Variants in NXPE2 observed in about 807,000 individuals in gnomAD.
NXPE2 encodes NXPE family member 2.
In NXPE2, 34 loss-of-function variants were observed where a neutral mutation model predicts 34.4. That is an observed-to-expected ratio of 0.99 (90% CI 0.75 to 1.31). NXPE2 has a LOEUF of 1.31. NXPE2 is among the 40% of genes most tolerant of loss of function. NXPE2 has a pLI of 0.00. For synonymous variants in NXPE2, 235 were observed against 231.3 expected (o/e 1.02, Z -0.15); for missense variants, 649 against 672.5 (o/e 0.97, Z 0.39).
Position 114,704,017 on chromosome 11 carries a change from A to C in NXPE2, c.893A>C (p.Lys298Thr), listed in dbSNP as rs1283933972. ...HRSNIGVEMM[K>T]NFTPIEVIPC... Reference sequence around the variant, plus strand: ...TCCAACATAGGAGTTGAAATGATGAAGAACTTTACCCCCATTGAGGTCATA... The same window carrying C: ...TCCAACATAGGAGTTGAAATGATGACGAACTTTACCCCCATTGAGGTCATA... The change falls in exon 4 of 6, where the codon AAG (lysine) becomes ACG (threonine). Residue 298 changes from lysine to threonine, a missense_variant. Lys to Thr is a moderately conservative substitution (Grantham distance 78, BLOSUM62 -1). Coordinates refer to ENST00000389586, the MANE Select transcript of NXPE2 (RefSeq NM_182495.6). The C allele has an allele frequency of 6.4e-7, 1 of 1,551,880 alleles. No homozygotes were observed. Among genetic ancestry groups the C allele is most frequent in the African/African-American group, 1.4e-5 (1 of 73,044 alleles).
chr11:114,759,199 G>A, the NXPE2 span, among the ~76,000 whole-genome samples: 1 of 152,094 alleles, frequency 6.6e-6, no homozygotes, highest in African/African-American at 2.4e-5. Context: ...AGAAGTCTTG[G>A]GCTGTTGCCA....
At chr11:114,535,099 G>T in the NXPE2 span, among the ~76,000 whole-genome samples, 1 of 152,308 alleles carries the variant, frequency 6.6e-6, no homozygotes, top group East Asian at 1.9e-4. Context: ...GAAACTCTAC[G>T]AGCCAGAAGA....
the NXPE2 span, among the ~76,000 whole-genome samples, chr11:114,507,515 ACAG>A: frequency 3.3e-5 from 5 of 152,132 alleles, no homozygotes; most frequent in Non-Finnish European, 5.9e-5. Flanking sequence ...CAAATCAAAT[ACAG>A]CAGCACATCA....
the NXPE2 span, among the ~76,000 whole-genome samples, chr11:114,628,738 T>C: frequency 1.3e-5 from 2 of 150,882 alleles, no homozygotes; most frequent in Admixed American, 1.3e-4. Context: ...CAGGAGCTGG[T>C]TTTTTGAAAG....
At chr11:114,759,670 A>C in the NXPE2 span, among the ~76,000 whole-genome samples, 1 of 152,338 alleles carries the variant, frequency 6.6e-6, no homozygotes, top group South Asian at 2.1e-4. Flanking sequence ...TCATAGAGTA[A>C]ACTGTATTAC....
At chr11:114,582,412 T>C in the NXPE2 span, 1 of 1,614,090 alleles carries the variant, frequency 6.2e-7, no homozygotes, top group East Asian at 2.2e-5. Flanking sequence ...TCTTGGTCTC[T>C]GTTGTCCAGG....
At chr11:114,765,078 C>T in the NXPE2 span, among the ~76,000 whole-genome samples, 2 of 152,158 alleles carry the variant, frequency 1.3e-5, no homozygotes, top group Non-Finnish European at 2.9e-5. Context: ...TCCATGTGTT[C>T]CAATCTCTGT....
the NXPE2 span, among the ~76,000 whole-genome samples, chr11:114,730,668 G>T: frequency 6.6e-6 from 1 of 152,030 alleles, no homozygotes; most frequent in African/African-American, 2.4e-5. Flanking sequence ...ACTATAAATA[G>T]AATTGCATTC....
chr11:114,604,969 G>A, the NXPE2 span, among the ~76,000 whole-genome samples: 1 of 151,830 alleles, frequency 6.6e-6, no homozygotes, highest in East Asian at 1.9e-4. Context: ...TTGCCTCTAG[G>A]GTAACCACTG....
chr11:114,503,347 C>G, the NXPE2 span, among the ~76,000 whole-genome samples: 3 of 151,930 alleles, frequency 2.0e-5, no homozygotes, highest in Admixed American at 6.6e-5. Context: ...AATAGTCACA[C>G]AGATAAAAGG....
the NXPE2 span, among the ~76,000 whole-genome samples, chr11:114,616,546 T>G: frequency 6.6e-6 from 1 of 151,614 alleles, no homozygotes; most frequent in Non-Finnish European, 1.5e-5. Flanking sequence ...TGTTACCCAG[T>G]GGATAAAAAT....
intron 2 of NXPE2, among the ~76,000 whole-genome samples, 197 bp downstream of exon 2, chr11:114,679,959 C>T (rs1202015434): frequency 6.6e-6 from 1 of 152,136 alleles, no homozygotes; most frequent in Non-Finnish European, 1.5e-5. Context: ...GCAATGTATA[C>T]ATTATTATTG....
At chr11:114,633,007 A>C in the NXPE2 span, among the ~76,000 whole-genome samples, 3 of 106,184 alleles carry the variant, frequency 2.8e-5, no homozygotes, top group Admixed American at 1.4e-4. Flanking sequence ...ATAATAATAT[A>C]TATTATATAA....
the NXPE2 span, among the ~76,000 whole-genome samples, chr11:114,734,289 TG>T: frequency 6.6e-6 from 1 of 152,234 alleles, no homozygotes; most frequent in Non-Finnish European, 1.5e-5. Flanking sequence ...GATATAAATT[TG>T]GCATAGTAAA....
At chr11:114,717,153 C>G in the NXPE2 span, among the ~76,000 whole-genome samples, 3 of 152,130 alleles carry the variant, frequency 2.0e-5, no homozygotes, top group Non-Finnish European at 2.9e-5. Context: ...CTGGCTGACC[C>G]TCTTAATTTA....
the NXPE2 span, among the ~76,000 whole-genome samples, chr11:114,488,090 T>A: frequency 6.6e-6 from 1 of 152,178 alleles, no homozygotes; most frequent in Non-Finnish European, 1.5e-5. Flanking sequence ...TATTCATTCT[T>A]TAAACACTTG....
chr11:114,503,683 T>C, the NXPE2 span, among the ~76,000 whole-genome samples: 3 of 152,184 alleles, frequency 2.0e-5, no homozygotes, highest in African/African-American at 7.2e-5. Flanking sequence ...TATTGAAGTA[T>C]CAGGAATTAC....
chr11:114,542,510 T>C, the NXPE2 span, among the ~76,000 whole-genome samples: 1 of 152,164 alleles, frequency 6.6e-6, no homozygotes, highest in African/African-American at 2.4e-5. Context: ...GAGAATAGTA[T>C]GCAATGGTTG....
the NXPE2 span, among the ~76,000 whole-genome samples, chr11:114,630,674 G>T: frequency 8.0e-5 from 12 of 150,734 alleles, no homozygotes; most frequent in Admixed American, 4.0e-4. Flanking sequence ...TTGACAAATG[G>T]GATCTAATTA....
Sources: allele counts gnomAD v4.1 joint callset (sites outside exome capture counted in the v4.1 genomes callset), GRCh38; gene constraint gnomAD v4.1.1; transcripts MANE v1.5; gene names NCBI Gene and HGNC (gene_info 2026-07-23, HGNC 2026-07-21).